Variants in PCDH15 observed in about 807,000 individuals in gnomAD.
PCDH15 encodes protocadherin-15.
PCDH15 carries 129 observed loss-of-function variants against 178.5 expected under a neutral mutation model. That is an observed-to-expected ratio of 0.72 (90% CI 0.63 to 0.84). The LOEUF is 0.84. Ranked by LOEUF, PCDH15 falls within the 40% of genes least tolerant of loss-of-function variation. The pLI, the probability that PCDH15 is intolerant of heterozygous loss-of-function variation, is 0.00. For missense variants in PCDH15, 2,230 were observed against 2,099.9 expected (o/e 1.06, Z -1.21); for synonymous variants, 800 against 732.0 (o/e 1.09, Z -1.50).
At chr10:54,848,186 C>G (rs1267234357) in intron 3 of PCDH15, among the ~76,000 whole-genome samples, 3 of 152,022 alleles carry the variant, frequency 2.0e-5, no homozygotes, top group Non-Finnish European at 4.4e-5. Flanking sequence ...TGAGACCAGC[C>G]TGGCCAACAT....
At chr10:55,011,024 A>G (rs906281361) in intron 2 of PCDH15, among the ~76,000 whole-genome samples, 1 of 152,156 alleles carries the variant, frequency 6.6e-6, no homozygotes, top group Admixed American at 6.6e-5. Flanking sequence ...AAGAAAATAC[A>G]CAATTTTTGA....
intron 2 of PCDH15, among the ~76,000 whole-genome samples, chr10:55,051,134 A>G (rs1400753104): frequency 2.0e-5 from 3 of 152,060 alleles, no homozygotes; most frequent in Admixed American, 2.0e-4. Flanking sequence ...AATTCCCAGC[A>G]CTGTGATTGA....
At chr10:54,341,713 T>C (rs1399743622) in intron 6 of PCDH15, among the ~76,000 whole-genome samples, 4 of 152,194 alleles carry the variant, frequency 2.6e-5, no homozygotes, top group Non-Finnish European at 4.4e-5. Flanking sequence ...ACTTTGTGAA[T>C]GCTTTCAACC....
chr10:55,346,635 G>A (rs185692535), intron 2 of PCDH15, among the ~76,000 whole-genome samples: 4 of 150,840 alleles, frequency 2.7e-5, no homozygotes, highest in East Asian at 3.9e-4. Flanking sequence ...ATTACCCCAC[G>A]CATTTTGGAA....
chr10:54,257,609 T>G (rs2057016195), intron 8 of PCDH15, among the ~76,000 whole-genome samples: 1 of 152,244 alleles, frequency 6.6e-6, no homozygotes, highest in African/African-American at 2.4e-5. Flanking sequence ...AGTACGTGTA[T>G]GATATTTGAT....
chr10:54,751,541 A>T (rs916308443), intron 1 of PCDH15, among the ~76,000 whole-genome samples: 10 of 152,274 alleles, frequency 6.6e-5, no homozygotes, highest in African/African-American at 2.4e-4. Context: ...ACCCAGAAAA[A>T]ACCCTTAAAA....
chr10:54,102,540 G>A (rs1462138981), intron 15 of PCDH15, among the ~76,000 whole-genome samples: 7 of 152,152 alleles, frequency 4.6e-5, no homozygotes, highest in African/African-American at 1.7e-4. Context: ...AGTTGAACAG[G>A]GATGTGGTGA....
At chr10:54,837,378 C>A (rs900073559) in intron 3 of PCDH15, among the ~76,000 whole-genome samples, 2 of 151,922 alleles carry the variant, frequency 1.3e-5, no homozygotes, top group Admixed American at 6.6e-5. Flanking sequence ...ACACACACTG[C>A]GCCAATTGCA....
chr10:55,125,163 TTGTGTGTG>T (rs34423359), intron 2 of PCDH15, among the ~76,000 whole-genome samples: 46 of 143,080 alleles, frequency 3.2e-4, no homozygotes, highest in African/African-American at 1.0e-3. Context: ...TTTTTTTTAA[TTGTGTGTG>T]TGTGTGTGTG....
chr10:54,522,334 C>T lies in PCDH15; in HGVS notation c.157+5478G>A, dbSNP rs529944087. On this transcript the variant is annotated intron_variant, in intron 3 of 37. Transcript: ENST00000644397. ...TACATTCAATCAACATCCATCTTCT[C>T]TATTTCAATCACATATGCTCTTTCT... Among the ~76,000 whole-genome samples the T allele has an allele frequency of 1.0e-3, 153 of 152,262 alleles. 1 individual carries two copies. In the Middle Eastern group the frequency reaches 0.02, roughly 20 times the overall value.
chr10:53,873,935 G>C (rs1170965870), intron 26 of PCDH15, among the ~76,000 whole-genome samples: 2 of 152,126 alleles, frequency 1.3e-5, no homozygotes, highest in Non-Finnish European at 2.9e-5. Flanking sequence ...CCATGAACCA[G>C]GACGGCCTCG....
At chr10:53,820,026 T>A in intron 33 of PCDH15, 139 bp downstream of exon 33, 1 of 390,468 alleles carries the variant, frequency 2.6e-6, no homozygotes, top group Non-Finnish European at 4.5e-6. Flanking sequence ...CAAATATGTT[T>A]TTTGGACTTC....
intron 2 of PCDH15, among the ~76,000 whole-genome samples, chr10:55,027,590 A>G (rs1033293672): frequency 2.6e-5 from 4 of 151,794 alleles, no homozygotes; most frequent in African/African-American, 7.2e-5. Context: ...GGAACAATCA[A>G]AGTTGAAATA....
intron 2 of PCDH15, among the ~76,000 whole-genome samples, chr10:54,943,847 A>G (rs1432353425): frequency 6.9e-6 from 1 of 144,964 alleles, no homozygotes; most frequent in Non-Finnish European, 1.5e-5. Flanking sequence ...TCTAAATTCC[A>G]AAGTTTTCCT....
intron 21 of PCDH15, among the ~76,000 whole-genome samples, chr10:53,992,690 G>A (rs554058176): frequency 1.6e-4 from 24 of 152,134 alleles, no homozygotes; most frequent in Admixed American, 1.1e-3. Context: ...GGAATGAAAC[G>A]TCTCTGGTGA....
intron 2 of PCDH15, among the ~76,000 whole-genome samples, chr10:54,553,816 A>C (rs2086872271): frequency 6.6e-6 from 1 of 152,226 alleles, no homozygotes; most frequent in African/African-American, 2.4e-5. Context: ...GGATTAAAAA[A>C]AAAATCATTA....
At chr10:55,437,339 C>G (rs1350978615) in intron 2 of PCDH15, among the ~76,000 whole-genome samples, 1 of 152,128 alleles carries the variant, frequency 6.6e-6, no homozygotes, top group African/African-American at 2.4e-5. Flanking sequence ...ATACCCACAG[C>G]TTACACCCAG....
chr10:54,118,040 C>T (rs1434487173), intron 15 of PCDH15, among the ~76,000 whole-genome samples: 1 of 152,142 alleles, frequency 6.6e-6, no homozygotes, highest in South Asian at 2.1e-4. Context: ...CTAGAAAATA[C>T]TATTCCAAAC....
intron 2 of PCDH15, among the ~76,000 whole-genome samples, chr10:55,515,736 T>C (rs576781082): frequency 6.6e-6 from 1 of 152,194 alleles, no homozygotes; most frequent in African/African-American, 2.4e-5. Flanking sequence ...AAAAAAGTCA[T>C]CATGCAAATC....
Sources: allele counts gnomAD v4.1 joint callset (sites outside exome capture counted in the v4.1 genomes callset), GRCh38; gene constraint gnomAD v4.1.1; transcripts MANE v1.5; gene names NCBI Gene and HGNC (gene_info 2026-07-23, HGNC 2026-07-21).